Variants in MLLT3 observed in about 807,000 individuals in gnomAD.
The protein encoded by MLLT3 is MLLT3 super elongation complex subunit.
MLLT3 carries 4 observed loss-of-function variants against 53.2 expected under a neutral mutation model. That is an observed-to-expected ratio of 0.08 (90% CI 0.04 to 0.17). The LOEUF (loss-of-function observed/expected upper bound fraction) is 0.17, where lower values mean the gene tolerates loss of function less well. MLLT3 is among the 10% of genes least tolerant of loss of function. The pLI, the probability that MLLT3 is intolerant of heterozygous loss-of-function variation, is 1.00. For missense variants in MLLT3, 569 were observed against 684.0 expected, an observed-to-expected ratio of 0.83 and a Z score of 1.87; for synonymous variants, 283 against 230.6, an observed-to-expected ratio of 1.23 and a Z score of -2.06.
rs1821124224 is a variant in MLLT3 at position 20,354,864 on chromosome 9, T to C, written c.1447A>G (p.Ser483Gly). ...TCTGATTTGCTTTGCTTTATTGGAC[T>C]TTTCACTTCAAGAATCTAGGGATCA... ...TNNNQILEVK[S>G]PIKQSKSDKQ... Residue 483 changes from serine to glycine, a missense_variant, in exon 9 of 11, where the codon AGT (serine) becomes GGT (glycine). Ser to Gly is a moderately conservative substitution (Grantham distance 56). Around this residue, in one of 5 missense-constraint regions of MLLT3, gnomAD observed 437 missense variants for 376.5 expected, o/e 1.16. Transcript: ENST00000380338. 1.2e-6 allele frequency: 2 copies of C among 1,612,168 alleles called. No homozygotes were observed. The highest frequency in any genetic ancestry group is 1.3e-5 in the African/African-American group (1 of 74,842).
intron 2 of MLLT3, among the ~76,000 whole-genome samples, chr9:20,503,251 A>C (rs1825293785): frequency 6.6e-6 from 1 of 152,230 alleles, no homozygotes; most frequent in Non-Finnish European, 1.5e-5. Flanking sequence ...ATCTCAAGCA[A>C]AAAGAACAAA....
chr9:20,434,527 G>A (rs1229315345), intron 4 of MLLT3, among the ~76,000 whole-genome samples: 3 of 152,148 alleles, frequency 2.0e-5, no homozygotes, highest in Non-Finnish European at 4.4e-5. Context: ...CCTTCAGTCT[G>A]TTTCAATTTG....
chr9:20,400,649 T>C (rs574604522), intron 5 of MLLT3, among the ~76,000 whole-genome samples: 90 of 152,218 alleles, frequency 5.9e-4, no homozygotes, highest in African/African-American at 2.0e-3. Flanking sequence ...TTAATAATTG[T>C]TGAAGCTGAG....
At chr9:20,615,071 C>A (rs1820791824) in intron 2 of MLLT3, among the ~76,000 whole-genome samples, 1 of 152,092 alleles carries the variant, frequency 6.6e-6, no homozygotes, top group Non-Finnish European at 1.5e-5. Context: ...AGGCCGGGCA[C>A]AATGGCTCAT....
intron 2 of MLLT3, among the ~76,000 whole-genome samples, chr9:20,602,890 C>T (rs2131199604): frequency 6.6e-6 from 1 of 152,144 alleles, no homozygotes; most frequent in South Asian, 2.1e-4. Flanking sequence ...CATGCCAAAT[C>T]AATTTTTCCT....
intron 2 of MLLT3, among the ~76,000 whole-genome samples, chr9:20,535,129 C>T (rs545996362): frequency 3.3e-5 from 5 of 152,204 alleles, no homozygotes; most frequent in Admixed American, 2.6e-4. Context: ...GGTGAGCTAG[C>T]GTTACCGCCT....
At chr9:20,589,347 C>T (rs575458813) in intron 2 of MLLT3, among the ~76,000 whole-genome samples, 5 of 149,446 alleles carry the variant, frequency 3.3e-5, no homozygotes, top group Admixed American at 1.4e-4. Context: ...AAAAACCAAA[C>T]GCCACATATT....
At chr9:20,528,982 T>C (rs1452073083) in intron 2 of MLLT3, among the ~76,000 whole-genome samples, 2 of 152,200 alleles carry the variant, frequency 1.3e-5, no homozygotes, top group African/African-American at 4.8e-5. Flanking sequence ...CAGAGTACAC[T>C]GAAGGCCAAA....
chr9:20,368,242 G>C (rs1821506574), intron 5 of MLLT3, among the ~76,000 whole-genome samples: 1 of 152,204 alleles, frequency 6.6e-6, no homozygotes, highest in Non-Finnish European at 1.5e-5. Context: ...AACTGAAAGA[G>C]CATTCAGTTG....
intron 2 of MLLT3, among the ~76,000 whole-genome samples, chr9:20,553,019 T>C (rs1818963637): frequency 1.3e-5 from 2 of 152,216 alleles, no homozygotes; most frequent in African/African-American, 4.8e-5. Flanking sequence ...TTCCCTACAT[T>C]GGACATCCAG....
chr9:20,483,633 C>A (rs954296141), intron 2 of MLLT3, among the ~76,000 whole-genome samples: 1 of 151,178 alleles, frequency 6.6e-6, no homozygotes, highest in African/African-American at 2.4e-5. Flanking sequence ...GTGTAAGATG[C>A]CCCTGAATGT....
At chr9:20,485,747 T>C (rs199544825) in intron 2 of MLLT3, among the ~76,000 whole-genome samples, 6 of 11,360 alleles carry the variant, frequency 5.3e-4, no homozygotes, top group Non-Finnish European at 8.1e-4. Flanking sequence ...TATACACACG[T>C]GTGTGTGTGT....
intron 5 of MLLT3, among the ~76,000 whole-genome samples, chr9:20,378,578 A>ATAT (rs958562653): frequency 3.3e-4 from 50 of 152,206 alleles, no homozygotes; most frequent in African/African-American, 1.1e-3. Context: ...AATACTTTAC[A>ATAT]TAATCCCCCT....
chr9:20,537,875 A>G (rs1162190173), intron 2 of MLLT3, among the ~76,000 whole-genome samples: 1 of 152,228 alleles, frequency 6.6e-6, no homozygotes, highest in African/African-American at 2.4e-5. Flanking sequence ...CAAATACATT[A>G]ATCTTCATCT....
chr9:20,523,093 T>A (rs190109707), intron 2 of MLLT3, among the ~76,000 whole-genome samples: 1 of 152,240 alleles, frequency 6.6e-6, no homozygotes, highest in African/African-American at 2.4e-5. Context: ...AAAGAAGGTA[T>A]ACAAATGGCA....
At position 20,519,732 on chromosome 9, in the gene MLLT3, C is replaced by T. The variant is rs1469547037; in HGVS notation, c.194-62946G>A. Among the ~76,000 whole-genome samples the T allele has an allele frequency of 2.6e-5, 4 of 152,136 alleles. No homozygotes were observed. In the East Asian group the frequency reaches 7.7e-4, roughly 29 times the overall value. On this transcript the variant is annotated intron_variant, in intron 2 of 10. Transcript: ENST00000380338. ...GCAAGGTTGTGGAGAAAATGAAATGCTTATACACTGTTGGTGGGAGTGTAA... is the reference window on the plus strand; with the variant it reads ...GCAAGGTTGTGGAGAAAATGAAATGTTTATACACTGTTGGTGGGAGTGTAA...
intron 2 of MLLT3, among the ~76,000 whole-genome samples, chr9:20,492,489 G>A (rs751188588): frequency 6.6e-5 from 10 of 151,766 alleles, no homozygotes; most frequent in East Asian, 1.9e-4. Flanking sequence ...CTCAAGAGGC[G>A]ATATAATTTC....
intron 8 of MLLT3, among the ~76,000 whole-genome samples, chr9:20,359,680 A>G (rs911600896): frequency 2.0e-5 from 3 of 152,252 alleles, no homozygotes; most frequent in Non-Finnish European, 4.4e-5. Flanking sequence ...CTCTAAACTA[A>G]CATTTTCCAA....
chr9:20,449,094 C>A (rs1475169748), intron 3 of MLLT3, among the ~76,000 whole-genome samples: 1 of 152,154 alleles, frequency 6.6e-6, no homozygotes, highest in East Asian at 1.9e-4. Flanking sequence ...GGAAAACCTC[C>A]CCTTAACTCC....
Sources: allele counts gnomAD v4.1 joint callset (sites outside exome capture counted in the v4.1 genomes callset), GRCh38; gene constraint gnomAD v4.1.1; regional missense constraint gnomAD v4.1.1; transcripts MANE v1.5; gene names NCBI Gene and HGNC (gene_info 2026-07-23, HGNC 2026-07-21).